The following KCNB2 variants were observed in gnomAD, a reference collection of about 807,000 sequenced individuals.
KCNB2 encodes delayed rectifier potassium channel protein.
KCNB2 carries 15 observed loss-of-function variants against 61.5 expected under a neutral mutation model. The observed-to-expected ratio is 0.24, with a 90% CI of 0.16 to 0.38. The LOEUF (loss-of-function observed/expected upper bound fraction) is 0.38. Ranked by LOEUF, KCNB2 falls within the 10% of genes least tolerant of loss-of-function variation. The probability of loss-of-function intolerance (pLI) is 1.00; values close to 1 mark genes in which losing one functional copy is unlikely to be tolerated. For synonymous variants in KCNB2, 457 were observed against 446.0 expected, an observed-to-expected ratio of 1.02 and a Z score of -0.31; for missense variants, 828 against 1,125.2, an observed-to-expected ratio of 0.74 and a Z score of 3.78.
rs184067400 is a variant in KCNB2 at position 72,824,663 on chromosome 8, C to T, written c.580-111272C>T. ...TGTAATGAAACCAAAGCAATGAGTCCGCCCTTCTCTATAGATACTGGTTAA... is the reference window on the plus strand; with the variant it reads ...TGTAATGAAACCAAAGCAATGAGTCTGCCCTTCTCTATAGATACTGGTTAA... On this transcript the variant is annotated intron_variant, in intron 2 of 2. Coordinates refer to ENST00000523207, the MANE Select transcript of KCNB2 (RefSeq NM_004770.3). Among the ~76,000 whole-genome samples the T allele has an allele frequency of 2.0e-5, 3 of 152,236 alleles. No individual in the cohort carries two copies. The East Asian group carries it at 5.8e-4, about 29-fold the overall frequency.
At chr8:72,598,119 A>G (rs1807229080) in intron 2 of KCNB2, among the ~76,000 whole-genome samples, 1 of 152,238 alleles carries the variant, frequency 6.6e-6, no homozygotes, top group Non-Finnish European at 1.5e-5. Flanking sequence ...AAAATGTGGT[A>G]TGTCAAAGCC....
intron 2 of KCNB2, among the ~76,000 whole-genome samples, chr8:72,739,493 A>G (rs1222176301): frequency 6.6e-6 from 1 of 152,082 alleles, no homozygotes; most frequent in Non-Finnish European, 1.5e-5. Flanking sequence ...GGGAATAGAG[A>G]AGACTTCTTA....
At chr8:72,912,299 TG>T (rs1298665201) in intron 2 of KCNB2, among the ~76,000 whole-genome samples, 1 of 152,088 alleles carries the variant, frequency 6.6e-6, no homozygotes, top group Non-Finnish European at 1.5e-5. Context: ...AGAAGATGAC[TG>T]GCGGCTCTCC....
At chr8:72,558,987 A>C (rs952094412) in intron 1 of KCNB2, among the ~76,000 whole-genome samples, 1 of 152,094 alleles carries the variant, frequency 6.6e-6, no homozygotes, top group African/African-American at 2.4e-5. Context: ...ACATTAAAGA[A>C]ATGAAAGAAG....
At chr8:72,619,458 T>C (rs2171673) in intron 2 of KCNB2, 47,801 of 281,120 alleles carry the variant, frequency 0.17, 5,059 homozygotes, top group Middle Eastern at 0.22. Flanking sequence ...GTAAAATCTC[T>C]AATTCGTAGG....
chr8:72,930,769 T>C (rs1806764864), intron 2 of KCNB2, among the ~76,000 whole-genome samples: 1 of 152,230 alleles, frequency 6.6e-6, no homozygotes, highest in African/African-American at 2.4e-5. Flanking sequence ...CTGACGGTAG[T>C]TTCTTTTGCT....
At chr8:72,913,599 C>T (rs1184637839) in intron 2 of KCNB2, among the ~76,000 whole-genome samples, 3 of 152,174 alleles carry the variant, frequency 2.0e-5, no homozygotes, top group African/African-American at 7.2e-5. Flanking sequence ...TGATTGAACA[C>T]TGGCATTCCG....
chr8:72,931,208 G>A (rs1367537116), intron 2 of KCNB2, among the ~76,000 whole-genome samples: 1 of 152,208 alleles, frequency 6.6e-6, no homozygotes, highest in Non-Finnish European at 1.5e-5. Flanking sequence ...TAGTCTTGTA[G>A]TATAGTTTGA....
chr8:72,893,205 C>G (rs1028315817), intron 2 of KCNB2, among the ~76,000 whole-genome samples: 3 of 151,434 alleles, frequency 2.0e-5, no homozygotes, highest in Admixed American at 1.3e-4. Context: ...GATATTTATT[C>G]TGCTTATTAA....
intron 2 of KCNB2, among the ~76,000 whole-genome samples, chr8:72,701,171 T>A (rs1234969660): frequency 6.6e-6 from 1 of 152,056 alleles, no homozygotes; most frequent in Admixed American, 6.6e-5. Flanking sequence ...AGTCTTAGCA[T>A]CACACAGTAT....
chr8:72,693,384 G>A (rs1048352324), intron 2 of KCNB2, among the ~76,000 whole-genome samples: 8 of 152,198 alleles, frequency 5.3e-5, no homozygotes, highest in Admixed American at 3.9e-4. Context: ...GTGTCTGAGC[G>A]TATACCTGCT....
chr8:72,903,267 T>C (rs984611715), intron 2 of KCNB2, among the ~76,000 whole-genome samples: 1 of 152,072 alleles, frequency 6.6e-6, no homozygotes, highest in Non-Finnish European at 1.5e-5. Context: ...AGCCTGATAC[T>C]GGGTGTGTTG....
At chr8:72,601,021 A>G (rs923749535) in intron 2 of KCNB2, among the ~76,000 whole-genome samples, 1 of 152,234 alleles carries the variant, frequency 6.6e-6, no homozygotes, top group Non-Finnish European at 1.5e-5. Flanking sequence ...AGAAATTAAA[A>G]TGGTAAGTTC....
chr8:72,632,977 C>T (rs1324866976), intron 2 of KCNB2, among the ~76,000 whole-genome samples: 1 of 152,196 alleles, frequency 6.6e-6, no homozygotes, highest in Admixed American at 6.5e-5. Context: ...AATTTAGCAG[C>T]TTGAAACACC....
intron 2 of KCNB2, among the ~76,000 whole-genome samples, chr8:72,606,888 T>C (rs1805460234): frequency 6.6e-6 from 1 of 152,130 alleles, no homozygotes; most frequent in Non-Finnish European, 1.5e-5. Context: ...GGGGAATGAG[T>C]GCCTCTCCTA....
intron 2 of KCNB2, among the ~76,000 whole-genome samples, chr8:72,921,570 T>A (rs1438961340): frequency 6.6e-6 from 1 of 152,212 alleles, no homozygotes; most frequent in Non-Finnish European, 1.5e-5. Flanking sequence ...GAGGAAGTGT[T>A]TTAAAAATTG....
At chr8:72,832,538 C>T (rs1312818057) in intron 2 of KCNB2, among the ~76,000 whole-genome samples, 3 of 151,994 alleles carry the variant, frequency 2.0e-5, no homozygotes, top group Non-Finnish European at 4.4e-5. Context: ...TAAAGCAGTA[C>T]CAGAGCTGAG....
At chr8:72,853,772 G>A (rs1810159252) in intron 2 of KCNB2, among the ~76,000 whole-genome samples, 1 of 152,180 alleles carries the variant, frequency 6.6e-6, no homozygotes, top group Admixed American at 6.5e-5. Context: ...CCCTCAAAGT[G>A]TGCTATAAAT....
At chr8:72,933,336 G>T (rs556411359) in intron 2 of KCNB2, among the ~76,000 whole-genome samples, 129 of 152,310 alleles carry the variant, frequency 8.5e-4, no homozygotes, top group African/African-American at 3.0e-3. Flanking sequence ...AGGACTGAAG[G>T]CCCCCTTGGA....
Sources: allele counts gnomAD v4.1 joint callset (sites outside exome capture counted in the v4.1 genomes callset), GRCh38; gene constraint gnomAD v4.1.1; transcripts MANE v1.5; gene names NCBI Gene and HGNC (gene_info 2026-07-23, HGNC 2026-07-21).